The following FAAH2 variants were observed in gnomAD, a reference collection of about 807,000 sequenced individuals.
FAAH2 encodes fatty-acid amide hydrolase 2.
Under a neutral mutation model 36.9 loss-of-function variants are expected in FAAH2, and 60 were observed. That is an observed-to-expected ratio of 1.63 (90% CI 1.32 to 2.02). The LOEUF (loss-of-function observed/expected upper bound fraction) is 2.02, where lower values mean the gene tolerates loss of function less well. Ranked by LOEUF, FAAH2 falls within the 30% of genes most tolerant of loss-of-function variation. FAAH2 has a pLI of 0.00. For missense variants in FAAH2, 689 were observed against 397.5 expected, an observed-to-expected ratio of 1.73 and a Z score of -6.23; for synonymous variants, 214 against 143.8, an observed-to-expected ratio of 1.49 and a Z score of -3.49.
At chrX:57,349,263 GTATATACATATATACA>G (rs1186639950) in intron 5 of FAAH2, among the ~76,000 whole-genome samples, 1 of 89,869 alleles carries the variant, frequency 1.1e-5, no homozygotes, top group Non-Finnish European at 2.1e-5. Flanking sequence ...GTGTATATAT[GTATATACATATATACA>G]TATATACATA....
Position 57,450,998 on chromosome X carries a change from A to G in FAAH2, c.1423+2280A>G, listed in dbSNP as rs768135916. 3.6e-5 allele frequency among the ~76,000 whole-genome samples: 4 copies of G among 111,633 alleles called. No homozygotes were observed. In the East Asian group the frequency reaches 1.1e-3, roughly 31 times the overall value. On this transcript the variant is annotated intron_variant, in intron 10 of 10. Transcript: ENST00000374900. The stretch of plus-strand genomic sequence containing the variant: ...AGTTTTACATGTTTCATCTCATTTT[A>G]TCTTACAGCAGCCCTATAAAAAGGA...
chrX:57,413,301 C>A (rs1477165991), intron 7 of FAAH2, among the ~76,000 whole-genome samples: 1 of 112,189 alleles, frequency 8.9e-6, no homozygotes, highest in Non-Finnish European at 1.9e-5. Flanking sequence ...CTTGCCCATG[C>A]CTAAGTCCTG....
intron 8 of FAAH2, among the ~76,000 whole-genome samples, chrX:57,432,460 G>A (rs1416674356): frequency 2.7e-5 from 3 of 111,578 alleles, no homozygotes; most frequent in Non-Finnish European, 3.8e-5. Flanking sequence ...TAAGTGATTA[G>A]GTAACTTCAG....
intron 10 of FAAH2, among the ~76,000 whole-genome samples, chrX:57,460,011 G>C (rs532840109): frequency 9.0e-6 from 1 of 111,668 alleles, no homozygotes; most frequent in Admixed American, 9.5e-5. Context: ...CGAATTGACA[G>C]AAGTAGGCTT....
chrX:57,270,627 C>A, the FAAH2 span, among the ~76,000 whole-genome samples: 4 of 111,749 alleles, frequency 3.6e-5, no homozygotes, highest in African/African-American at 1.3e-4. Flanking sequence ...TTCCAACTGA[C>A]GTACCCGGTT....
intron 7 of FAAH2, among the ~76,000 whole-genome samples, chrX:57,399,201 G>T (rs762784525): frequency 9.4e-4 from 105 of 111,599 alleles, no homozygotes; most frequent in African/African-American, 3.2e-3. Context: ...TCCTGGCAGT[G>T]CAGGGGATTT....
chrX:57,188,717 C>A, the FAAH2 span, among the ~76,000 whole-genome samples: 4 of 111,291 alleles, frequency 3.6e-5, no homozygotes, highest in Non-Finnish European at 5.7e-5. Flanking sequence ...CCTCTAAACA[C>A]TGCTTTAGCT....
the FAAH2 span, among the ~76,000 whole-genome samples, chrX:57,162,355 C>T: frequency 2.7e-5 from 3 of 111,057 alleles, no homozygotes; most frequent in Admixed American, 1.9e-4. Flanking sequence ...TTGCTCTTCT[C>T]GAGGAGTATC....
chrX:57,358,544 T>G (rs1485762342), intron 5 of FAAH2, among the ~76,000 whole-genome samples: 1 of 111,535 alleles, frequency 9.0e-6, no homozygotes, highest in Non-Finnish European at 1.9e-5. Flanking sequence ...GCTCAACAAT[T>G]TCCATTATAT....
At chrX:57,284,299 G>A (rs1185151155), upstream of FAAH2, among the ~76,000 whole-genome samples, 4 of 111,222 alleles carry the variant, frequency 3.6e-5, no homozygotes, top group East Asian at 2.8e-4. Flanking sequence ...ACTTGAACCC[G>A]GGAGGCAAAG....
chrX:57,408,052 T>C (rs2055610981), intron 7 of FAAH2, among the ~76,000 whole-genome samples: 1 of 111,615 alleles, frequency 9.0e-6, no homozygotes, highest in Middle Eastern at 4.7e-3. Context: ...TTACTATAGC[T>C]TTGTAATATA....
intron 3 of FAAH2, among the ~76,000 whole-genome samples, chrX:57,314,164 T>C (rs917201705): frequency 1.8e-5 from 2 of 111,780 alleles, no homozygotes; most frequent in African/African-American, 6.5e-5. Flanking sequence ...TAATGATAAA[T>C]GTTTTAATTC....
chrX:57,381,383 G>A (rs1569305783), intron 7 of FAAH2, among the ~76,000 whole-genome samples: 2 of 111,483 alleles, frequency 1.8e-5, no homozygotes, highest in Admixed American at 1.9e-4. Flanking sequence ...AATCATTTTA[G>A]CCTGAGCTTT....
At chrX:57,427,627 C>T (rs182218715) in intron 7 of FAAH2, among the ~76,000 whole-genome samples, 1 of 111,445 alleles carries the variant, frequency 9.0e-6, no homozygotes, top group Non-Finnish European at 1.9e-5. Context: ...AAGTAATTCA[C>T]CACATAAACA....
intron 7 of FAAH2, among the ~76,000 whole-genome samples, chrX:57,384,382 C>T (rs1291478570): frequency 1.9e-5 from 2 of 103,670 alleles, no homozygotes; most frequent in African/African-American, 6.7e-5. Context: ...TCAGAGTGAA[C>T]AGGCAACCTA....
the FAAH2 span, among the ~76,000 whole-genome samples, chrX:57,192,987 A>G: frequency 8.9e-6 from 1 of 112,220 alleles, no homozygotes; most frequent in African/African-American, 3.2e-5. Flanking sequence ...GTGTTTGAAC[A>G]ATATGAAATC....
At chrX:57,153,365 CA>C in the FAAH2 span, among the ~76,000 whole-genome samples, 1 of 112,011 alleles carries the variant, frequency 8.9e-6, no homozygotes. Context: ...CATTTATATT[CA>C]ATGTTAGTAT....
chrX:57,154,673 G>T, the FAAH2 span, among the ~76,000 whole-genome samples: 1 of 110,706 alleles, frequency 9.0e-6, no homozygotes, highest in Non-Finnish European at 1.9e-5. Context: ...TTGTTTTCAG[G>T]CAATTCAGGG....
chrX:57,256,157 G>A, the FAAH2 span, among the ~76,000 whole-genome samples: 5 of 111,308 alleles, frequency 4.5e-5, no homozygotes, highest in Admixed American at 1.9e-4. Context: ...GATTATGATC[G>A]AACTCCCATT....
Sources: gnomAD v4.1 joint callset for allele counts (sites outside exome capture counted in the v4.1 genomes callset) on GRCh38, gnomAD v4.1.1 for gene constraint, MANE v1.5 for transcripts, NCBI Gene and HGNC (gene_info 2026-07-23, HGNC 2026-07-21) for gene names.